LIMCH1: variants seen among roughly 807,000 people sequenced by gnomAD.
The protein encoded by LIMCH1 is LIM and calponin homology domains 1, also known as LIM and calponin homology domains-containing protein 1.
In LIMCH1, 113 loss-of-function variants were observed where a neutral mutation model predicts 176.5. The ratio of observed to expected loss-of-function variants is 0.64; its 90% CI spans 0.55 to 0.75. LIMCH1 has a LOEUF of 0.75. LIMCH1 is among the 30% of genes least tolerant of loss of function. The probability of loss-of-function intolerance (pLI) is 0.00; values close to 1 mark genes in which losing one functional copy is unlikely to be tolerated. For synonymous variants in LIMCH1, 619 were observed against 645.9 expected (o/e 0.96, Z 0.63); for missense variants, 1,674 against 1,814.9 (o/e 0.92, Z 1.41).
intron 25 of LIMCH1, among the ~76,000 whole-genome samples, chr4:41,681,358 A>T (rs574777330): frequency 2.2e-4 from 34 of 152,304 alleles, no homozygotes; most frequent in African/African-American, 8.2e-4. Flanking sequence ...TAGTGAAGTC[A>T]TATTGTGGAA....
chr4:41,618,225 C>T (rs10805090), intron 5 of LIMCH1, among the ~76,000 whole-genome samples: 2 of 151,980 alleles, frequency 1.3e-5, no homozygotes, highest in Admixed American at 1.3e-4. Context: ...TTGAAGTGGC[C>T]GCTACTTATA....
chr4:41,461,799 GT>G lies in LIMCH1; in HGVS notation c.97-32736del, dbSNP rs796367832. ...AAGTGGCATTTCTCCCTCACATGTT[GT>G]CCCTTTGCTTTGCATGGAAATCATT... On this transcript the variant is annotated intron_variant, in intron 1 of 26. Coordinates refer to the LIMCH1 transcript ENST00000313860. Among the ~76,000 whole-genome samples the G allele has an allele frequency of 3.9e-5, 6 of 152,304 alleles. No individual in the cohort carries two copies. In the South Asian group the frequency reaches 1.2e-3, roughly 32 times the overall value.
intron 1 of LIMCH1, among the ~76,000 whole-genome samples, chr4:41,442,610 T>A (rs2062822379): frequency 6.6e-6 from 1 of 152,206 alleles, no homozygotes; most frequent in Non-Finnish European, 1.5e-5. Flanking sequence ...TCACCTGCAT[T>A]TTTCAAACAG....
intron 1 of LIMCH1, among the ~76,000 whole-genome samples, chr4:41,463,874 C>T (rs145251939): frequency 2.6e-5 from 4 of 151,940 alleles, no homozygotes; most frequent in African/African-American, 4.8e-5. Context: ...CCACTGTGCC[C>T]GGTCACATTT....
At chr4:41,558,148 C>T (rs2081543086) in intron 1 of LIMCH1, among the ~76,000 whole-genome samples, 1 of 152,000 alleles carries the variant, frequency 6.6e-6, no homozygotes, top group Admixed American at 6.6e-5. Flanking sequence ...CACCCATAAA[C>T]GGTGTGTGCT....
chr4:41,505,925 GACACACACACACACACACACACACAC>G (rs36212568), intron 2 of LIMCH1, among the ~76,000 whole-genome samples: 3 of 134,562 alleles, frequency 2.2e-5, no homozygotes, highest in Admixed American at 7.5e-5. Flanking sequence ...CTGTGTTTCT[GACACACACACACACACACACACACAC>G]ACACACACAC....
chr4:41,501,242 G>A (rs1285326071), intron 2 of LIMCH1, among the ~76,000 whole-genome samples: 1 of 152,164 alleles, frequency 6.6e-6, no homozygotes, highest in African/African-American at 2.4e-5. Context: ...TGAAAGCATA[G>A]ATATATGTGG....
In LIMCH1 at chr4:41,385,254, A is replaced by T. The variant is rs552455683; in HGVS notation, c.96+24318A>T. ...ATCTATGGATTGAACATCTGTTTCTATTCCACTGTGTTTCAGTTTTAACTT... is the reference window on the plus strand; with the variant it reads ...ATCTATGGATTGAACATCTGTTTCTTTTCCACTGTGTTTCAGTTTTAACTT... On this transcript the variant is annotated intron_variant, in intron 1 of 26. Transcript: ENST00000313860. 2.6e-5 allele frequency among the ~76,000 whole-genome samples: 4 copies of T among 152,352 alleles called. No homozygotes were observed. In the East Asian group the frequency reaches 7.7e-4, roughly 29 times the overall value.
intron 3 of LIMCH1, among the ~76,000 whole-genome samples, chr4:41,605,122 G>C (rs1466693398): frequency 6.6e-6 from 1 of 152,132 alleles, no homozygotes; most frequent in African/African-American, 2.4e-5. Flanking sequence ...AATGTAAAGA[G>C]GATTTGCTTT....
intron 2 of LIMCH1, among the ~76,000 whole-genome samples, chr4:41,509,689 C>A (rs775836174): frequency 4.6e-5 from 7 of 152,176 alleles, no homozygotes; most frequent in Non-Finnish European, 8.8e-5. Context: ...AATTGAGTAT[C>A]CCCAACAGGC....
intron 1 of LIMCH1, among the ~76,000 whole-genome samples, chr4:41,404,710 C>T (rs2058785462): frequency 6.6e-6 from 1 of 152,072 alleles, no homozygotes; most frequent in East Asian, 1.9e-4. Context: ...ACCTGGGAGG[C>T]AAAGGTTGCG....
chr4:41,454,108 GC>G (rs1295593257), intron 1 of LIMCH1, among the ~76,000 whole-genome samples: 1 of 151,892 alleles, frequency 6.6e-6, no homozygotes, highest in Non-Finnish European at 1.5e-5. Context: ...CTCTTTCAAT[GC>G]CCCCCACCCT....
At chr4:41,613,119 T>G in intron 4 of LIMCH1, 1 of 1,548,584 alleles carries the variant, frequency 6.5e-7, no homozygotes, top group Non-Finnish European at 8.7e-7. Context: ...TGGTTTTTCG[T>G]TTTTGTTTTG....
chr4:41,660,372 G>A (rs1364177945), intron 18 of LIMCH1, among the ~76,000 whole-genome samples: 1 of 152,112 alleles, frequency 6.6e-6, no homozygotes, highest in African/African-American at 2.4e-5. Context: ...ACAAGCATTA[G>A]AGTAATTACT....
intron 2 of LIMCH1, among the ~76,000 whole-genome samples, chr4:41,503,791 T>C (rs1274210688): frequency 2.0e-5 from 3 of 152,196 alleles, no homozygotes; most frequent in African/African-American, 4.8e-5. Flanking sequence ...GGCTTTGTCC[T>C]CTACCAGTCG....
intron 1 of LIMCH1, among the ~76,000 whole-genome samples, chr4:41,486,973 T>TACACAC (rs1554068488): frequency 2.3e-5 from 2 of 86,742 alleles, no homozygotes; most frequent in African/African-American, 1.1e-4. Flanking sequence ...CACACACACA[T>TACACAC]ACATACACAC....
At chr4:41,428,202 A>G (rs576867798) in intron 1 of LIMCH1, among the ~76,000 whole-genome samples, 3 of 152,310 alleles carry the variant, frequency 2.0e-5, no homozygotes, top group African/African-American at 4.8e-5. Context: ...CGTGGTAAAG[A>G]ACATGAACTC....
chr4:41,605,299 C>T (rs1185283905), intron 3 of LIMCH1, among the ~76,000 whole-genome samples: 1 of 152,136 alleles, frequency 6.6e-6, no homozygotes, highest in East Asian at 1.9e-4. Flanking sequence ...CTAACTATAC[C>T]CCAAAGCTAG....
At chr4:41,422,865 C>T (rs2060735986) in intron 1 of LIMCH1, among the ~76,000 whole-genome samples, 1 of 152,136 alleles carries the variant, frequency 6.6e-6, no homozygotes, top group Admixed American at 6.5e-5. Context: ...TCAAGTAATC[C>T]TCCTGCTTCA....
Sources: allele counts gnomAD v4.1 joint callset (sites outside exome capture counted in the v4.1 genomes callset), GRCh38; gene constraint gnomAD v4.1.1; transcripts MANE v1.5; gene names NCBI Gene and HGNC (gene_info 2026-07-23, HGNC 2026-07-21).